Variants in ZNF621 observed in about 807,000 individuals in gnomAD.
ZNF621 encodes zinc finger protein 621.
A neutral mutation model predicts 12.7 loss-of-function variants in ZNF621; 6 were observed. The ratio of observed to expected loss-of-function variants is 0.47; its 90% CI spans 0.26 to 0.93. ZNF621 has a LOEUF of 0.93. ZNF621 is among the 40% of genes least tolerant of loss of function. The probability of loss-of-function intolerance (pLI) is 0.15; values close to 1 mark genes in which losing one functional copy is unlikely to be tolerated. For missense variants in ZNF621, 474 were observed against 524.0 expected, an observed-to-expected ratio of 0.90 and a Z score of 0.93; for synonymous variants, 156 against 190.3, an observed-to-expected ratio of 0.82 and a Z score of 1.48.
chr3:40,526,880 A>G (rs372840427), intron 2 of ZNF621, among the ~76,000 whole-genome samples: 4 of 152,296 alleles, frequency 2.6e-5, no homozygotes, highest in African/African-American at 9.6e-5. Flanking sequence ...TTTGAGACGG[A>G]GTTTCGCCTT....
rs1177719394 is a variant in ZNF621, at chr3:40,536,625, T to C, written c.*3535T>C. The C allele has an allele frequency of 6.6e-6, 1 of 152,168 alleles. No homozygotes were observed. Among genetic ancestry groups the C allele is most frequent in the African/African-American group, 2.4e-5 (1 of 41,440 alleles). 9.4% of individuals were successfully genotyped at this position (152,168 alleles called of 1,614,324 possible). Reference sequence around the variant, plus strand: ...TGCCAATCGTCCAGCACCCTCCACCTTTGCCACCTATTTCTTGTTGTAAAA... The same window carrying C: ...TGCCAATCGTCCAGCACCCTCCACCCTTGCCACCTATTTCTTGTTGTAAAA... On this transcript the variant is annotated 3_prime_UTR_variant, in exon 5 of 5. Transcript: ENST00000339296.
rs1486997230 is a variant in ZNF621, at chr3:40,532,833, C to G, written c.1063C>G (p.Leu355Val). The change falls in exon 5 of 5, where the codon CTG becomes GTG. Residue 355 changes from leucine (L) to valine (V), a missense_variant. Coordinates refer to ENST00000339296, the MANE Select transcript of ZNF621 (RefSeq NM_198484.5). ...KKPVKVLGPS[L>V]VSPQCSSPAI... ...GCCAGTCAAGGTCCTTGGGCCATCC[C>G]TGGTCAGTCCCCAGTGCTCCTCTCC... The G allele has an allele frequency of 6.2e-7, 1 of 1,614,130 alleles. No individual in the cohort carries two copies. The highest frequency in any genetic ancestry group is 1.7e-5 in the Admixed American group (1 of 60,020).
Position 40,532,291 on chromosome 3 carries a change from C to T in ZNF621, c.521C>T (p.Thr174Ile). ...CTTATTCGGCATCAGATGAGTCATA[C>T]TGGGGAAAAGCCCTTTAAGTGTAAG... The part of the protein sequence containing the change: ...SKLIRHQMSH[T>I]GEKPFKCKEC... Residue 174 changes from threonine (T) to isoleucine (I), a missense_variant, in exon 5 of 5, where the codon ACT becomes ATT. Thr to Ile is a moderately conservative substitution (Grantham distance 89). Transcript: ENST00000339296. The T allele has an allele frequency of 3.1e-6, 5 of 1,613,156 alleles. No homozygotes were observed. The highest frequency in any genetic ancestry group is 4.2e-6 in the Non-Finnish European group (5 of 1,180,038).
rs114020755 is a variant in ZNF621 at position 40,529,457 on chromosome 3, C to T, written c.151+12C>T. On this transcript the variant is annotated intron_variant, in intron 3 of 4. Transcript: ENST00000339296. ...TGTGGCTTCTCTGGGTAAGGCCTCC[C>T]TCTGTGGCCCTTTGTAACAGTTTGC... is the stretch of plus-strand genomic sequence containing the variant. 2,318 of 1,612,202 alleles carry T rather than the reference C, an allele frequency of 1.4e-3. 29 individuals are homozygous for T. In the African/African-American group the frequency reaches 0.028, roughly 20 times the overall value.
Position 40,533,371 on chromosome 3 carries a change from C to T in ZNF621, c.*281C>T, listed in dbSNP as rs1395149225. On this transcript the variant is annotated 3_prime_UTR_variant, in exon 5 of 5. Coordinates refer to ENST00000339296, the MANE Select transcript of ZNF621 (RefSeq NM_198484.5). ...GGCCAGGCTGGTCTCAAACACCTGA[C>T]CTCAAGTGATCCGCCTGCCTTGGCC... The T allele has an allele frequency of 7.0e-5, 27 of 385,410 alleles. No homozygotes were observed. Among genetic ancestry groups the T allele is most frequent in the Non-Finnish European group, 1.8e-5 (4 of 220,880 alleles). 23.9% of individuals were successfully genotyped at this position (385,410 alleles called of 1,614,324 possible). A position where few individuals can be genotyped will look rare whatever the true frequency, so the allele number is the denominator to read the frequency against.
rs778821190 is a variant in ZNF621, at chr3:40,532,814, C to T, written c.1044C>T (p.Val348=). 3.7e-6 allele frequency: 6 copies of T among 1,614,192 alleles called. No homozygotes were observed. The highest frequency in any genetic ancestry group is 1.7e-5 in the Admixed American group (1 of 60,026). The part of the protein sequence containing the change: ...QKLHPVEKKP[V]KVLGPSLVSP... ...TGCACCCTGTGGAGAAGAAGCCAGT[C>T]AAGGTCCTTGGGCCATCCCTGGTCA... Residue 348 remains valine, a synonymous_variant, in exon 5 of 5, where the codon GTC becomes GTT. Transcript: ENST00000339296.
In ZNF621 at chr3:40,532,236, T is replaced by C; in HGVS notation, c.466T>C (p.Cys156Arg). 6.2e-7 allele frequency: 1 copy of C among 1,614,116 alleles called. No homozygotes were observed. Among genetic ancestry groups the C allele is most frequent in the Non-Finnish European group, 8.5e-7 (1 of 1,180,036 alleles). ...AATGAAGTTCTATGAATGTAAAGAA[T>C]GTGGGAAAATCTTCCGATATAACTC... is the stretch of plus-strand genomic sequence containing the variant. ...GGMKFYECKE[C>R]GKIFRYNSKL... Residue 156 changes from cysteine (C) to arginine (R), a missense_variant, in exon 5 of 5, where the codon TGT becomes CGT. By Grantham distance (180) the Cys-to-Arg change is radical. Transcript: ENST00000339296.
chr3:40,525,683 C>A, intron 1 of ZNF621, 96 bp from the exon 2 acceptor site: 1 of 880,634 alleles, frequency 1.1e-6, no homozygotes, highest in Non-Finnish European at 1.9e-6. Context: ...AATCTCCGTG[C>A]ATCCAGTGCT....
At position 40,533,097 on chromosome 3, in the gene ZNF621, T is replaced by C. The variant is rs1335513825; in HGVS notation, c.*7T>C. On this transcript the variant is annotated 3_prime_UTR_variant, in exon 5 of 5. Transcript: ENST00000339296. Reference sequence around the variant, plus strand: ...TTCTTCTCACTCCTCATGAGCTTTATCTTGGCAGTCTTACGGCTCTTATGC... The same window carrying C: ...TTCTTCTCACTCCTCATGAGCTTTACCTTGGCAGTCTTACGGCTCTTATGC... 2 of 1,549,618 alleles carry C rather than the reference T, an allele frequency of 1.3e-6. No homozygotes were observed. The highest frequency in any genetic ancestry group is 2.0e-5 in the Admixed American group (1 of 50,952).
chr3:40,526,712 G>A (rs1473324779), intron 2 of ZNF621, among the ~76,000 whole-genome samples: 3 of 152,162 alleles, frequency 2.0e-5, no homozygotes, highest in Non-Finnish European at 1.5e-5. Context: ...TTTCTGTACT[G>A]GTTCATTGGG....
At position 40,535,298 on chromosome 3, in the gene ZNF621, A is replaced by G. The variant is rs1487777511; in HGVS notation, c.*2208A>G. 1.3e-5 allele frequency: 2 copies of G among 152,324 alleles called. No individual in the cohort carries two copies. Among genetic ancestry groups the G allele is most frequent in the African/African-American group, 4.8e-5 (2 of 41,570 alleles). 9.4% of individuals were successfully genotyped at this position (152,324 alleles called of 1,614,324 possible). ...TGCCAGTGTTTTAAGGTTCTGTCAC[A>G]CTCAGTAACCCACTTCTGGTTCCTC... On this transcript the variant is annotated 3_prime_UTR_variant, in exon 5 of 5. Transcript: ENST00000339296.
rs1698916500 is a variant in ZNF621 at position 40,538,193 on chromosome 3, A to G, written c.*5103A>G. ...ATGGATTACTGAATATTTTAAGCCC[A>G]CTGTTGAGACCTACTAAATATTAGG... On this transcript the variant is annotated 3_prime_UTR_variant, in exon 5 of 5. Coordinates refer to ENST00000339296, the MANE Select transcript of ZNF621 (RefSeq NM_198484.5). 2.7e-6 allele frequency: 1 copy of G among 371,718 alleles called. No individual in the cohort carries two copies. The highest frequency in any genetic ancestry group is 5.2e-6 in the Non-Finnish European group (1 of 191,452). The allele number at this position is 371,718 out of a possible 1,614,324, so 23.0% of individuals were successfully genotyped here.
At chr3:40,525,393 T>C (rs1243707824) in intron 1 of ZNF621, 119 bp downstream of exon 1, 2 of 221,120 alleles carry the variant, frequency 9.0e-6, no homozygotes, top group Non-Finnish European at 1.8e-5. Flanking sequence ...TTACCCTTAA[T>C]CCGCATTCAG....
At chr3:40,528,446 C>T (rs1215643040) in intron 2 of ZNF621, among the ~76,000 whole-genome samples, 1 of 152,184 alleles carries the variant, frequency 6.6e-6, no homozygotes, top group Non-Finnish European at 1.5e-5. Context: ...ATAAAAGCCC[C>T]TGTAAATGTC....
At chr3:40,526,229 A>G (rs1698579092) in intron 2 of ZNF621, among the ~76,000 whole-genome samples, 1 of 152,212 alleles carries the variant, frequency 6.6e-6, no homozygotes, top group Admixed American at 6.5e-5. Context: ...GTGTAGTGGC[A>G]CTATGATATC....
Position 40,539,463 on chromosome 3 carries a change from TATA to T in ZNF621, c.*6376_*6378del, listed in dbSNP as rs1377048001. The T allele has an allele frequency of 2.0e-5, 3 of 152,236 alleles. No homozygotes were observed. The highest frequency in any genetic ancestry group is 4.4e-5 in the Non-Finnish European group (3 of 68,040). 9.4% of individuals were successfully genotyped at this position (152,236 alleles called of 1,614,324 possible). A position where few individuals can be genotyped will look rare whatever the true frequency, so the allele number is the denominator to read the frequency against. On this transcript the variant is annotated 3_prime_UTR_variant, in exon 5 of 5. Transcript: ENST00000339296. ...AAATTAAAGTATGTACATTGTCAGA[TATA>T]ATGCTATTGCAAACTTAATAGACTA...
rs1266673577 is a variant in ZNF621 at position 40,536,621 on chromosome 3, CA to C, written c.*3532del. 1 of 152,196 alleles carries C rather than the reference CA, an allele frequency of 6.6e-6. No homozygotes were observed. The highest frequency in any genetic ancestry group is 2.4e-5 in the African/African-American group (1 of 41,454). The allele number at this position is 152,196 out of a possible 1,614,324, so 9.4% of individuals were successfully genotyped here. The stretch of plus-strand genomic sequence containing the variant: ...TGCCTGCCAATCGTCCAGCACCCTC[CA>C]CCTTTGCCACCTATTTCTTGTTGTA... On this transcript the variant is annotated 3_prime_UTR_variant, in exon 5 of 5. Transcript: ENST00000339296.
At position 40,532,867 on chromosome 3, in the gene ZNF621, C is replaced by G; in HGVS notation, c.1097C>G (p.Pro366Arg). Reference protein sequence around the residue: ...VSPQCSSPAIPPVLLQGSCSA... With the variant: ...VSPQCSSPAIRPVLLQGSCSA... ...CCCCAGTGCTCCTCTCCAGCCATACCTCCTGTTCTTCTCCAGGGATCCTGT... is the reference window on the plus strand; with the variant it reads ...CCCCAGTGCTCCTCTCCAGCCATACGTCCTGTTCTTCTCCAGGGATCCTGT... The change falls in exon 5 of 5, where the codon CCT (proline) becomes CGT (arginine). Residue 366 changes from proline to arginine, a missense_variant. Pro to Arg is a moderately radical substitution (Grantham distance 103). Coordinates refer to ENST00000339296, the MANE Select transcript of ZNF621 (RefSeq NM_198484.5). 6.2e-7 allele frequency: 1 copy of G among 1,611,208 alleles called. No individual in the cohort carries two copies. The highest frequency in any genetic ancestry group is 8.5e-7 in the Non-Finnish European group (1 of 1,178,516).
rs1698934617 is a variant in ZNF621, at chr3:40,538,941, A to G, written c.*5851A>G. The G allele has an allele frequency of 6.6e-6, 1 of 152,618 alleles. No homozygotes were observed. The highest frequency in any genetic ancestry group is 6.5e-5 in the Admixed American group (1 of 15,290). The allele number at this position is 152,618 out of a possible 1,614,324, so 9.5% of individuals were successfully genotyped here. A position where few individuals can be genotyped will look rare whatever the true frequency, so the allele number is the denominator to read the frequency against. ...ATGTGGTGGAAATAGCAAGATAACT[A>G]GACTTAGAAGTGGAACCTGCATATG... is the stretch of plus-strand genomic sequence containing the variant. On this transcript the variant is annotated 3_prime_UTR_variant, in exon 5 of 5. Coordinates refer to ENST00000339296, the MANE Select transcript of ZNF621 (RefSeq NM_198484.5).
Sources: gnomAD v4.1 joint callset for allele counts (sites outside exome capture counted in the v4.1 genomes callset) on GRCh38, gnomAD v4.1.1 for gene constraint, MANE v1.5 for transcripts, NCBI Gene and HGNC (gene_info 2026-07-23, HGNC 2026-07-21) for gene names.